ADGRL2: variants seen among roughly 807,000 people sequenced by gnomAD.
ADGRL2 encodes the protein adhesion G protein-coupled receptor L2.
A neutral mutation model predicts 157.4 loss-of-function variants in ADGRL2; 44 were observed. That is an observed-to-expected ratio of 0.28 (90% CI 0.22 to 0.36). ADGRL2 has a LOEUF of 0.36. ADGRL2 is among the 10% of genes least tolerant of loss of function. ADGRL2 has a pLI of 1.00. For synonymous variants in ADGRL2, 585 were observed against 624.7 expected (o/e 0.94, Z 0.95); for missense variants, 1,510 against 1,768.9 (o/e 0.85, Z 2.63).
intron 2 of ADGRL2, among the ~76,000 whole-genome samples, chr1:81,463,502 C>T (rs762989136): frequency 7.2e-5 from 11 of 152,090 alleles, no homozygotes; most frequent in Non-Finnish European, 1.3e-4. Flanking sequence ...CAAAACTGCT[C>T]CAGAGACATC....
In ADGRL2 at chr1:81,534,379, C is replaced by T. The variant is rs546541042; in HGVS notation, c.-247-46497C>T. 2.0e-5 allele frequency among the ~76,000 whole-genome samples: 3 copies of T among 152,260 alleles called. No individual in the cohort carries two copies. The South Asian group carries it at 6.2e-4, about 32-fold the overall frequency. The stretch of plus-strand genomic sequence containing the variant: ...GTTTCACCATGTTGGCCAGACTGGC[C>T]TCAAACTTCTGACCTCTGGTGATCC... On this transcript the variant is annotated intron_variant, in intron 2 of 24. Coordinates refer to the ADGRL2 transcript ENST00000370721.
At chr1:81,563,238 C>T (rs1002808846) in intron 2 of ADGRL2, among the ~76,000 whole-genome samples, 3 of 152,160 alleles carry the variant, frequency 2.0e-5, no homozygotes, top group Admixed American at 2.0e-4. Flanking sequence ...TAAGGCATTA[C>T]ACATCAGTTA....
chr1:81,791,071 A>G (rs1476306928), intron 2 of ADGRL2, among the ~76,000 whole-genome samples: 1 of 149,860 alleles, frequency 6.7e-6, no homozygotes, highest in African/African-American at 2.4e-5. Context: ...TATCTCAAAA[A>G]AAAAAAAAAA....
At chr1:81,479,486 TA>T (rs1203499163) in intron 2 of ADGRL2, among the ~76,000 whole-genome samples, 1 of 150,474 alleles carries the variant, frequency 6.6e-6, no homozygotes, top group African/African-American at 2.4e-5. Context: ...GTCTGAAAAA[TA>T]AAAAAAAAGA....
intron 1 of ADGRL2, among the ~76,000 whole-genome samples, chr1:81,349,631 T>TACACAC (rs36213279): frequency 2.3e-4 from 33 of 142,852 alleles, no homozygotes; most frequent in African/African-American, 6.3e-4. Flanking sequence ...TGTTGTGAGC[T>TACACAC]ACACACACAC....
In ADGRL2 at chr1:81,662,909, G is replaced by A. The variant is rs530780487; in HGVS notation, c.-143+81929G>A. ...TGCCCATTAACCATCCCCACCTTCC[G>A]CACTGCTTAAAGGTTTTTCAAGTAA... On this transcript the variant is annotated intron_variant, in intron 3 of 24. Coordinates refer to the ADGRL2 transcript ENST00000370721. 2.0e-5 allele frequency among the ~76,000 whole-genome samples: 3 copies of A among 151,978 alleles called. No homozygotes were observed. In the South Asian group the frequency reaches 6.3e-4, roughly 32 times the overall value.
chr1:81,368,835 T>A (rs2076111885), intron 1 of ADGRL2, among the ~76,000 whole-genome samples: 1 of 152,168 alleles, frequency 6.6e-6, no homozygotes, highest in South Asian at 2.1e-4. Context: ...GAGGCATGAA[T>A]GTGTTCACTC....
chr1:81,647,224 T>C (rs1032085987), intron 3 of ADGRL2, among the ~76,000 whole-genome samples: 2 of 152,178 alleles, frequency 1.3e-5, no homozygotes, highest in South Asian at 2.1e-4. Flanking sequence ...ACTTAATCAT[T>C]GTATCTCAAA....
intron 2 of ADGRL2, among the ~76,000 whole-genome samples, chr1:81,763,126 C>T (rs1308627705): frequency 6.7e-6 from 1 of 149,542 alleles, no homozygotes; most frequent in Non-Finnish European, 1.5e-5. Flanking sequence ...TGTCTTAATT[C>T]TTCATTTTTT....
chr1:81,592,958 T>C (rs1199316642), intron 3 of ADGRL2, among the ~76,000 whole-genome samples: 1 of 152,140 alleles, frequency 6.6e-6, no homozygotes, highest in Non-Finnish European at 1.5e-5. Flanking sequence ...ATTCCTTCTT[T>C]GGGACAACCC....
At chr1:81,641,089 C>A (rs1391266169) in intron 3 of ADGRL2, among the ~76,000 whole-genome samples, 3 of 152,194 alleles carry the variant, frequency 2.0e-5, no homozygotes, top group Non-Finnish European at 4.4e-5. Context: ...CATTGGAACA[C>A]TAATTCTATT....
intron 1 of ADGRL2, among the ~76,000 whole-genome samples, chr1:81,321,652 T>G (rs942815075): frequency 1.3e-5 from 2 of 152,172 alleles, no homozygotes; most frequent in Non-Finnish European, 2.9e-5. Flanking sequence ...CACACATTTA[T>G]CAATTAAATT....
intron 1 of ADGRL2, among the ~76,000 whole-genome samples, chr1:81,377,405 C>T (rs1367088329): frequency 6.6e-6 from 1 of 152,068 alleles, no homozygotes; most frequent in African/African-American, 2.4e-5. Flanking sequence ...CCCTCCTCAT[C>T]CTTTAGTTAT....
At chr1:81,634,254 G>A (rs2082071237) in intron 3 of ADGRL2, among the ~76,000 whole-genome samples, 2 of 152,112 alleles carry the variant, frequency 1.3e-5, no homozygotes, top group Admixed American at 6.5e-5. Flanking sequence ...TACTACAAAA[G>A]CTTCCTAATC....
At position 81,343,381 on chromosome 1, in the gene ADGRL2, G is replaced by T. The variant is rs571360777; in HGVS notation, c.-302+36872G>T. 4.8e-4 allele frequency among the ~76,000 whole-genome samples: 73 copies of T among 151,532 alleles called. No individual in the cohort carries two copies. The South Asian group carries it at 0.015, about 31-fold the overall frequency. ...CTGGGATTATAGGCATGAGCCACTG[G>T]GCCTGGCCAACAATCTTTCTTTAAC... On this transcript the variant is annotated intron_variant, in intron 1 of 24. Coordinates refer to the ADGRL2 transcript ENST00000370721.
intron 2 of ADGRL2, among the ~76,000 whole-genome samples, chr1:81,905,547 A>G (rs1302312472): frequency 6.6e-6 from 1 of 152,204 alleles, no homozygotes; most frequent in Non-Finnish European, 1.5e-5. Context: ...TAATCCTGCA[A>G]ACTAACAACA....
chr1:81,624,233 G>A (rs970638966), intron 3 of ADGRL2, among the ~76,000 whole-genome samples: 2 of 152,174 alleles, frequency 1.3e-5, no homozygotes, highest in Non-Finnish European at 1.5e-5. Flanking sequence ...TTATGGAAGC[G>A]CTATGAAACT....
At chr1:81,965,034 T>C (rs891434048) in intron 11 of ADGRL2, among the ~76,000 whole-genome samples, 4 of 152,160 alleles carry the variant, frequency 2.6e-5, no homozygotes, top group African/African-American at 9.6e-5. Context: ...ATATTGTTAG[T>C]GGTTACTATT....
chr1:81,763,064 A>AAG (rs1225312656), intron 2 of ADGRL2, among the ~76,000 whole-genome samples: 1 of 150,986 alleles, frequency 6.6e-6, no homozygotes, highest in African/African-American at 2.4e-5. Flanking sequence ...AAAAAAAAAA[A>AAG]AAAGGAAAAA....
Sources: gnomAD v4.1 joint callset for allele counts (sites outside exome capture counted in the v4.1 genomes callset) on GRCh38, gnomAD v4.1.1 for gene constraint, MANE v1.5 for transcripts, NCBI Gene and HGNC (gene_info 2026-07-23, HGNC 2026-07-21) for gene names.